The following TMEM40 variants were observed in gnomAD, a reference collection of about 807,000 sequenced individuals.
TMEM40 encodes the protein transmembrane protein 40.
Under a neutral mutation model 40.8 loss-of-function variants are expected in TMEM40, and 34 were observed. That is an observed-to-expected ratio of 0.83 (90% confidence interval 0.63 to 1.11). TMEM40 has a LOEUF of 1.11. Ranked by LOEUF, TMEM40 falls within the 50% of genes least tolerant of loss-of-function variation. TMEM40 has a pLI of 0.00. For missense variants in TMEM40, 296 were observed against 280.2 expected, an observed-to-expected ratio of 1.06 and a Z score of -0.40; for synonymous variants, 106 against 107.0, an observed-to-expected ratio of 0.99 and a Z score of 0.06.
chr3:12,746,707 T>C (rs2061431694), intron 3 of TMEM40, among the ~76,000 whole-genome samples: 2 of 152,186 alleles, frequency 1.3e-5, no homozygotes, highest in African/African-American at 2.4e-5. Flanking sequence ...AGCCTGTCTT[T>C]ATGCTTCTAG....
At chr3:12,748,858 T>A (rs2061450581) in intron 2 of TMEM40, 66 bp from the exon 3 acceptor site, 1 of 1,439,462 alleles carries the variant, frequency 6.9e-7, no homozygotes, top group Non-Finnish European at 9.6e-7. Context: ...GACCACCCAG[T>A]CCTCTCCAGG....
chr3:12,743,164 G>C (rs1436660588), intron 4 of TMEM40, among the ~76,000 whole-genome samples: 2 of 151,932 alleles, frequency 1.3e-5, no homozygotes, highest in African/African-American at 4.8e-5. Context: ...TTATTTCCTG[G>C]TTGTAAAAGT....
intron 1 of TMEM40, among the ~76,000 whole-genome samples, chr3:12,768,382 G>GCC (rs60602578): frequency 8.6e-4 from 131 of 152,026 alleles, no homozygotes; most frequent in African/African-American, 1.6e-3. Flanking sequence ...CTCTTATGTG[G>GCC]CCCCACTCAC....
At chr3:12,740,401 A>T (rs1029372264) in intron 5 of TMEM40, among the ~76,000 whole-genome samples, 1 of 151,080 alleles carries the variant, frequency 6.6e-6, no homozygotes, top group Non-Finnish European at 1.5e-5. Flanking sequence ...CACAATCATA[A>T]TTTTAAAAAA....
chr3:12,751,374 C>G (rs151238246), intron 1 of TMEM40, among the ~76,000 whole-genome samples: 6 of 150,950 alleles, frequency 4.0e-5, no homozygotes, highest in African/African-American at 1.5e-4. Flanking sequence ...CTCTGCCTCC[C>G]GGATTCAAGT....
chr3:12,737,396 A>C (rs1164383532), intron 8 of TMEM40: 5 of 416,280 alleles, frequency 1.2e-5, no homozygotes, highest in Non-Finnish European at 2.1e-5. Flanking sequence ...TGGCCACAAG[A>C]CCTGGAAGGT....
intron 5 of TMEM40, among the ~76,000 whole-genome samples, chr3:12,740,088 TTTA>T (rs1323945926): frequency 1.3e-4 from 19 of 145,382 alleles, no homozygotes; most frequent in African/African-American, 4.7e-4. Flanking sequence ...ATTTATAATA[TTTA>T]TTTATTTATT....
upstream of TMEM40, among the ~76,000 whole-genome samples, chr3:12,761,634 G>T (rs561069216): frequency 9.9e-5 from 15 of 151,808 alleles, no homozygotes; most frequent in East Asian, 2.9e-3. Flanking sequence ...AAAGAAAAAA[G>T]ATAAGGATTT....
intron 1 of TMEM40, among the ~76,000 whole-genome samples, chr3:12,768,176 C>T (rs1304013118): frequency 6.6e-6 from 1 of 152,150 alleles, no homozygotes; most frequent in Admixed American, 6.5e-5. Context: ...TAAGGCGACG[C>T]GTCTGGAGTT....
chr3:12,751,363 C>A (rs185159803), intron 1 of TMEM40, among the ~76,000 whole-genome samples: 91 of 151,126 alleles, frequency 6.0e-4, no homozygotes, highest in African/African-American at 2.0e-3. Flanking sequence ...CTCACTGCAA[C>A]CTCTGCCTCC....
At position 12,746,762 on chromosome 3, in the gene TMEM40, C is replaced by T. The variant is rs114490923; in HGVS notation, c.211+1893G>A. Among the ~76,000 whole-genome samples, 297 of 152,286 alleles carry T rather than the reference C, an allele frequency of 2.0e-3. 2 individuals carry two copies. The highest frequency in any genetic ancestry group is 6.7e-3 in the African/African-American group (280 of 41,550). On this transcript the variant is annotated intron_variant, in intron 3 of 11. Transcript: ENST00000314124. ...TGCTTTCTCTTAGCGCTCCATTTGG[C>T]TAATTTCAGCCAGTCCTATGTGTGA...
At chr3:12,755,213 T>TTCTTTCTCTCTCTCTCTCTC (rs1553634015) in intron 1 of TMEM40, among the ~76,000 whole-genome samples, 4 of 94,318 alleles carry the variant, frequency 4.2e-5, no homozygotes, top group African/African-American at 1.7e-4. Flanking sequence ...CTTTCTTTCT[T>TTCTTTCTCTCTCTCTCTCTC]TCTCTCTCTC....
chr3:12,760,625 C>T (rs1473502025), upstream of TMEM40, among the ~76,000 whole-genome samples: 2 of 152,238 alleles, frequency 1.3e-5, no homozygotes, highest in African/African-American at 4.8e-5. Flanking sequence ...AGCTTTCCCT[C>T]TGCCTGCTTC....
chr3:12,756,183 C>T (rs537406476), intron 1 of TMEM40, among the ~76,000 whole-genome samples: 29 of 151,316 alleles, frequency 1.9e-4, no homozygotes, highest in South Asian at 1.0e-3. Context: ...CAAATACAAT[C>T]GTATTTGAGT....
exon 1 of TMEM40, chr3:12,769,359 C>T (rs531421081): frequency 1.6e-5 from 4 of 254,952 alleles, no homozygotes; most frequent in Admixed American, 8.2e-5. Flanking sequence ...GAGTGGGCGC[C>T]GAGGCTGAGG....
At chr3:12,758,617 C>T (rs571961606) in intron 1 of TMEM40, among the ~76,000 whole-genome samples, 10 of 152,250 alleles carry the variant, frequency 6.6e-5, no homozygotes, top group East Asian at 1.9e-4. Flanking sequence ...ATATCCTCCC[C>T]GGGGGTGCCT....
chr3:12,746,337 T>C (rs965033041), intron 3 of TMEM40, among the ~76,000 whole-genome samples: 13 of 152,380 alleles, frequency 8.5e-5, no homozygotes, highest in African/African-American at 2.9e-4. Flanking sequence ...ATGTAAGGAA[T>C]ACACTAATAT....
chr3:12,735,043 G>A (rs1221888309), intron 11 of TMEM40, among the ~76,000 whole-genome samples: 1 of 152,182 alleles, frequency 6.6e-6, no homozygotes, highest in East Asian at 1.9e-4. Flanking sequence ...GGCATAAGGT[G>A]GTCACAGAGC....
chr3:12,738,116 A>G lies in TMEM40; in HGVS notation c.424+20T>C, dbSNP rs2061351299. 1 of 1,613,308 alleles carries G rather than the reference A, an allele frequency of 6.2e-7. No individual in the cohort carries two copies. Among genetic ancestry groups the G allele is most frequent in the Non-Finnish European group, 8.5e-7 (1 of 1,179,750 alleles). On this transcript the variant is annotated intron_variant, in intron 7 of 11. Coordinates refer to ENST00000314124, the MANE Select transcript of TMEM40 (RefSeq NM_018306.4). ...AATCCACACCCGCTCTGGCTCTCCT[A>G]TTTGAGCTTGTGTATTTACCACTTG...
Sources: allele counts gnomAD v4.1 joint callset (sites outside exome capture counted in the v4.1 genomes callset), GRCh38; gene constraint gnomAD v4.1.1; transcripts MANE v1.5; gene names NCBI Gene and HGNC (gene_info 2026-07-23, HGNC 2026-07-21).